The following PREX1 variants were observed in gnomAD, a reference collection of about 807,000 sequenced individuals.
The protein encoded by PREX1 is phosphatidylinositol-3,4,5-trisphosphate dependent Rac exchange factor 1, also known as phosphatidylinositol 3,4,5-trisphosphate-dependent Rac exchanger 1 protein.
In PREX1, 41 loss-of-function variants were observed where a neutral mutation model predicts 198.3. The observed-to-expected ratio is 0.21, with a 90% CI of 0.16 to 0.27. The LOEUF is 0.27. Among genes scored for constraint, PREX1 ranks in the 10% least tolerant of loss-of-function variants. The pLI, the probability that PREX1 is intolerant of heterozygous loss-of-function variation, is 1.00. For synonymous variants in PREX1, 843 were observed against 887.2 expected (o/e 0.95, Z 0.89); for missense variants, 1,620 against 2,200.7 (o/e 0.74, Z 5.28).
chr20:48,877,565 C>T, the PREX1 span, among the ~76,000 whole-genome samples: 1 of 152,204 alleles, frequency 6.6e-6, no homozygotes, highest in Non-Finnish European at 1.5e-5. Flanking sequence ...GTGTGGGTCA[C>T]ATGCTGATCT....
chr20:48,820,418 C>G (rs1456389014), intron 1 of PREX1, among the ~76,000 whole-genome samples: 1 of 152,176 alleles, frequency 6.6e-6, no homozygotes, highest in Non-Finnish European at 1.5e-5. Context: ...GGGATCTGAA[C>G]CCAGGCAAGG....
intron 5 of PREX1, among the ~76,000 whole-genome samples, chr20:48,715,397 G>A (rs1302534392): frequency 6.6e-6 from 1 of 152,210 alleles, no homozygotes; most frequent in Non-Finnish European, 1.5e-5. Flanking sequence ...GATAGATTCA[G>A]GCCCACTAAT....
chr20:48,797,115 A>C (rs1301557973), intron 1 of PREX1, among the ~76,000 whole-genome samples: 2 of 152,076 alleles, frequency 1.3e-5, no homozygotes, highest in Non-Finnish European at 2.9e-5. Context: ...TTAATGGAAG[A>C]AAAAGGACTG....
At chr20:48,799,952 C>T (rs1048130461) in intron 1 of PREX1, among the ~76,000 whole-genome samples, 3 of 152,176 alleles carry the variant, frequency 2.0e-5, no homozygotes, top group Non-Finnish European at 2.9e-5. Flanking sequence ...TAAAGGGGGC[C>T]TTGGGGGACT....
At chr20:48,709,566 G>T (rs2089921120) in intron 5 of PREX1, among the ~76,000 whole-genome samples, 2 of 152,182 alleles carry the variant, frequency 1.3e-5, no homozygotes, top group Non-Finnish European at 1.5e-5. Flanking sequence ...TTTTAAGGTG[G>T]CTTCTGTTAT....
intron 27 of PREX1, 32 bp downstream of exon 27, chr20:48,644,377 C>T: frequency 1.3e-6 from 2 of 1,562,686 alleles, no homozygotes; most frequent in African/African-American, 1.4e-5. Flanking sequence ...GAGCCTCTCT[C>T]CCTGAGCACA....
intron 1 of PREX1, among the ~76,000 whole-genome samples, chr20:48,764,130 A>G (rs920880162): frequency 6.6e-6 from 1 of 152,158 alleles, no homozygotes; most frequent in Non-Finnish European, 1.5e-5. Context: ...TGATGGGGCC[A>G]CATCATTAAA....
chr20:48,651,096 C>T lies in PREX1; in HGVS notation c.2656-41G>A, dbSNP rs375822821. ...CAGCTACTGAGCATTCCCTGTGTGC[C>T]GGGAAGATTTTAAGCGGTTCACCCA... is the stretch of plus-strand genomic sequence containing the variant. On this transcript the variant is annotated intron_variant, in intron 22 of 39. Coordinates refer to ENST00000371941, the MANE Select transcript of PREX1 (RefSeq NM_020820.4). The T allele has an allele frequency of 5.4e-4, 864 of 1,605,588 alleles. 2 individuals are homozygous for T. Among genetic ancestry groups the T allele is most frequent in the Middle Eastern group, 8.3e-4 (5 of 6,030 alleles).
chr20:48,706,082 T>C (rs928700956), intron 6 of PREX1, among the ~76,000 whole-genome samples: 8 of 152,246 alleles, frequency 5.3e-5, no homozygotes, highest in African/African-American at 1.7e-4. Context: ...AGGCACTTTA[T>C]TTCCTATTGC....
At chr20:48,663,585 A>G (rs2089612663) in intron 15 of PREX1, among the ~76,000 whole-genome samples, 1 of 152,246 alleles carries the variant, frequency 6.6e-6, no homozygotes, top group Non-Finnish European at 1.5e-5. Flanking sequence ...TTGGCACACA[A>G]CCATGCCCAT....
At chr20:48,828,748 C>G (rs1011972103), upstream of PREX1, among the ~76,000 whole-genome samples, 8 of 152,198 alleles carry the variant, frequency 5.3e-5, no homozygotes, top group Non-Finnish European at 1.0e-4. Context: ...TCCACCTTTC[C>G]CAGAAGAAAT....
In PREX1 at chr20:48,666,998, GCTAC is replaced by G; in HGVS notation, c.1666-647_1666-644del. ...TCATCCATCTCCAGCCTCCCTTGCA[GCTAC>G]AGGTGGCCAATGAGCTATAAGCAGA... is the stretch of plus-strand genomic sequence containing the variant. On this transcript the variant is annotated intron_variant, in intron 14 of 39. Transcript: ENST00000371941. The surrounding 1 kb of genome is among the most constrained non-coding windows in gnomAD (Gnocchi z 4.3). Among the ~76,000 whole-genome samples the G allele has an allele frequency of 6.6e-6, 1 of 152,282 alleles. No homozygotes were observed. The highest frequency in any genetic ancestry group is 3.4e-3 in the Middle Eastern group (1 of 294).
the PREX1 span, among the ~76,000 whole-genome samples, chr20:48,887,364 A>G: frequency 1.3e-5 from 2 of 152,162 alleles, no homozygotes. Flanking sequence ...CTTTGAGCTC[A>G]GGAGTCAGAG....
the PREX1 span, among the ~76,000 whole-genome samples, chr20:48,833,446 T>C: frequency 1.4e-5 from 2 of 147,136 alleles, no homozygotes; most frequent in African/African-American, 4.9e-5. Context: ...TTTCTTTCTT[T>C]TTTTTTTTTT....
At chr20:48,654,459 A>G (rs2089526633) in intron 19 of PREX1, among the ~76,000 whole-genome samples, 1 of 152,240 alleles carries the variant, frequency 6.6e-6, no homozygotes, top group East Asian at 1.9e-4. Flanking sequence ...TGTGCACTGC[A>G]GCACGTTTAG....
In PREX1 at chr20:48,692,637, A is replaced by G. The variant is rs751790932; in HGVS notation, c.1036+35T>C. Reference sequence around the variant, plus strand: ...GAGTGCCAGGGAGCAGGCAGGGCTCAGGCAGGGCTCAGGCAAGGCTGGGGG... The same window carrying G: ...GAGTGCCAGGGAGCAGGCAGGGCTCGGGCAGGGCTCAGGCAAGGCTGGGGG... On this transcript the variant is annotated intron_variant, in intron 8 of 39. Transcript: ENST00000371941. 5.2e-6 allele frequency: 8 copies of G among 1,542,906 alleles called. No homozygotes were observed. In the South Asian group the frequency reaches 8.9e-5, roughly 17 times the overall value.
chr20:48,686,524 G>A (rs952241567), intron 10 of PREX1, among the ~76,000 whole-genome samples: 6 of 152,226 alleles, frequency 3.9e-5, no homozygotes, highest in African/African-American at 1.4e-4. Flanking sequence ...CATCGGTCCG[G>A]ACTGAGCAGT....
the PREX1 span, among the ~76,000 whole-genome samples, chr20:48,855,390 A>C: frequency 3.4e-3 from 524 of 152,284 alleles, 2 homozygotes; most frequent in Non-Finnish European, 5.3e-3. Flanking sequence ...CCTGGGTACC[A>C]AGTCCATCCT....
At chr20:48,842,627 G>C in the PREX1 span, among the ~76,000 whole-genome samples, 1 of 150,786 alleles carries the variant, frequency 6.6e-6, no homozygotes, top group Non-Finnish European at 1.5e-5. Context: ...TAGTAGCCGT[G>C]TCTCCATCCT....
Sources: gnomAD v4.1 joint callset for allele counts (sites outside exome capture counted in the v4.1 genomes callset) on GRCh38, gnomAD v4.1.1 for gene constraint, Gnocchi (gnomAD v3.1) non-coding constraint, MANE v1.5 for transcripts, NCBI Gene and HGNC (gene_info 2026-07-23, HGNC 2026-07-21) for gene names.